Variants in KCNT2 observed in about 807,000 individuals in gnomAD.
The protein encoded by KCNT2 is potassium sodium-activated channel subfamily T member 2.
Under a neutral mutation model 153.8 loss-of-function variants are expected in KCNT2, and 67 were observed. That is an observed-to-expected ratio of 0.44 (90% CI 0.36 to 0.53). The LOEUF (loss-of-function observed/expected upper bound fraction) is 0.53. Among genes scored for constraint, KCNT2 ranks in the 20% least tolerant of loss-of-function variants. The pLI, the probability that KCNT2 is intolerant of heterozygous loss-of-function variation, is 0.00. For missense variants in KCNT2, 975 were observed against 1,354.8 expected, an observed-to-expected ratio of 0.72 and a Z score of 4.40; for synonymous variants, 500 against 458.8, an observed-to-expected ratio of 1.09 and a Z score of -1.15.
At position 196,377,607 on chromosome 1, in the gene KCNT2, A is replaced by G. The variant is rs73067636; in HGVS notation, c.1295-4359T>C. 6.7e-3 allele frequency among the ~76,000 whole-genome samples: 1,023 copies of G among 152,152 alleles called. 11 individuals are homozygous for G. The highest frequency in any genetic ancestry group is 0.023 in the African/African-American group (976 of 41,538). Reference sequence around the variant, plus strand: ...TCACAGCACCTTGCTGATTTTAGTCAGCAATACATAGAGAGCTGATCTGAG... The same window carrying G: ...TCACAGCACCTTGCTGATTTTAGTCGGCAATACATAGAGAGCTGATCTGAG... On this transcript the variant is annotated intron_variant, in intron 13 of 27. Transcript: ENST00000294725.
chr1:196,540,062 C>T (rs1169651030), intron 1 of KCNT2, among the ~76,000 whole-genome samples: 1 of 152,012 alleles, frequency 6.6e-6, no homozygotes, highest in Non-Finnish European at 1.5e-5. Flanking sequence ...TAGTTGAATT[C>T]CATTTTTAAG....
intron 22 of KCNT2, among the ~76,000 whole-genome samples, chr1:196,294,755 A>T (rs1432914263): frequency 6.6e-6 from 1 of 152,038 alleles, no homozygotes; most frequent in Non-Finnish European, 1.5e-5. Flanking sequence ...GAAGCAACCT[A>T]GGTGTCCATC....
At chr1:196,322,615 T>G (rs1663436061) in intron 19 of KCNT2, among the ~76,000 whole-genome samples, 1 of 151,860 alleles carries the variant, frequency 6.6e-6, no homozygotes. Context: ...GCCATCCAAA[T>G]ATTAGTCAGT....
At chr1:196,341,283 G>A (rs1018307612) in intron 15 of KCNT2, among the ~76,000 whole-genome samples, 1 of 151,842 alleles carries the variant, frequency 6.6e-6, no homozygotes, top group Non-Finnish European at 1.5e-5. Context: ...TACCAAGCCT[G>A]TTTTATAATA....
chr1:196,267,996 T>C (rs1451852415), intron 25 of KCNT2, among the ~76,000 whole-genome samples: 1 of 152,146 alleles, frequency 6.6e-6, no homozygotes, highest in Admixed American at 6.6e-5. Context: ...GGTATTGTGT[T>C]AAATGTGATG....
chr1:196,299,240 GCCTGTTACA>G (rs1219103356), intron 22 of KCNT2, among the ~76,000 whole-genome samples: 3 of 151,242 alleles, frequency 2.0e-5, no homozygotes, highest in African/African-American at 7.3e-5. Context: ...TTCTACTGTT[GCCTGTTACA>G]CCTGTTACAC....
intron 1 of KCNT2, among the ~76,000 whole-genome samples, chr1:196,513,346 T>C (rs1360090697): frequency 6.6e-6 from 1 of 152,198 alleles, no homozygotes; most frequent in Non-Finnish European, 1.5e-5. Context: ...CATGCAGAGG[T>C]TGGCAATCTG....
chr1:196,283,259 G>C (rs993360859), intron 23 of KCNT2, among the ~76,000 whole-genome samples: 2 of 152,102 alleles, frequency 1.3e-5, no homozygotes, highest in African/African-American at 4.8e-5. Flanking sequence ...GGCTAACACG[G>C]TGAAACCTTG....
chr1:196,576,072 TTATATA>T lies in KCNT2; in HGVS notation c.95+32137_95+32142del, dbSNP rs66537346. On this transcript the variant is annotated intron_variant, in intron 1 of 27. Transcript: ENST00000294725. ...AAAATACTAGGCAGTGTGTTAGGTTTTATATATATATATATATATGTGTGTGTGTGT... is the reference window on the plus strand; with the variant it reads ...AAAATACTAGGCAGTGTGTTAGGTTTTATATATATATATGTGTGTGTGTGT... Among the ~76,000 whole-genome samples, 826 of 145,212 alleles carry T rather than the reference TTATATA, an allele frequency of 5.7e-3. 5 individuals are homozygous for T. The highest frequency in any genetic ancestry group is 0.01 in the East Asian group (50 of 4,934).
At chr1:196,414,177 T>C (rs900808419) in intron 12 of KCNT2, among the ~76,000 whole-genome samples, 3 of 151,702 alleles carry the variant, frequency 2.0e-5, no homozygotes, top group African/African-American at 7.2e-5. Context: ...AATTCAATTA[T>C]ACAGATTTTA....
At chr1:196,480,163 T>C (rs1221603148) in intron 4 of KCNT2, among the ~76,000 whole-genome samples, 2 of 152,112 alleles carry the variant, frequency 1.3e-5, no homozygotes, top group African/African-American at 4.8e-5. Flanking sequence ...CTCTACAACC[T>C]TAGGATAGAT....
intron 1 of KCNT2, among the ~76,000 whole-genome samples, chr1:196,540,116 T>A (rs1656136612): frequency 1.3e-5 from 2 of 152,178 alleles, no homozygotes; most frequent in South Asian, 2.1e-4. Flanking sequence ...AATATAGTTC[T>A]ATGCTGTTGT....
intron 1 of KCNT2, among the ~76,000 whole-genome samples, chr1:196,602,880 A>G (rs932016250): frequency 4.5e-5 from 6 of 133,304 alleles, no homozygotes; most frequent in Non-Finnish European, 7.6e-5. Context: ...TCCGCCTCCC[A>G]GGTTCACGCC....
intron 11 of KCNT2, among the ~76,000 whole-genome samples, chr1:196,423,982 A>C (rs1405813575): frequency 6.6e-6 from 1 of 151,936 alleles, no homozygotes; most frequent in Non-Finnish European, 1.5e-5. Flanking sequence ...ATTAGTTTAT[A>C]TTAAATCCCA....
At chr1:196,597,234 C>T (rs1006792727) in intron 1 of KCNT2, among the ~76,000 whole-genome samples, 7 of 151,052 alleles carry the variant, frequency 4.6e-5, no homozygotes, top group Admixed American at 2.6e-4. Flanking sequence ...TCAATCTCTT[C>T]GCATCCTTTA....
At chr1:196,305,203 A>G (rs1483144584) in intron 22 of KCNT2, 31 bp downstream of exon 22, 1 of 1,229,108 alleles carries the variant, frequency 8.1e-7, no homozygotes, top group South Asian at 1.2e-5. Context: ...AGATGGTTAA[A>G]TCTAATTTAC....
In KCNT2 at chr1:196,543,914, T is replaced by C. The variant is rs373787797; in HGVS notation, c.96-51573A>G. ...GGCATTTATGCCACAGAAATATAAT[T>C]GTGTATTTACACAAAAAACCTGCAC... On this transcript the variant is annotated intron_variant, in intron 1 of 27. Coordinates refer to ENST00000294725, the MANE Select transcript of KCNT2 (RefSeq NM_198503.5). 2.7e-5 allele frequency among the ~76,000 whole-genome samples: 4 copies of C among 150,762 alleles called. No homozygotes were observed. The East Asian group carries it at 7.9e-4, about 30-fold the overall frequency.
At chr1:196,504,641 A>T (rs945331369) in intron 1 of KCNT2, among the ~76,000 whole-genome samples, 3 of 152,132 alleles carry the variant, frequency 2.0e-5, no homozygotes, top group African/African-American at 7.2e-5. Flanking sequence ...CTAGTTCTAG[A>T]TCCCTGAGGA....
intron 14 of KCNT2, among the ~76,000 whole-genome samples, chr1:196,358,308 A>G (rs983396549): frequency 6.8e-6 from 1 of 147,872 alleles, no homozygotes; most frequent in African/African-American, 2.5e-5. Flanking sequence ...CTCCACCACA[A>G]CTCCTGTTCT....
Sources: gnomAD v4.1 joint callset for allele counts (sites outside exome capture counted in the v4.1 genomes callset) on GRCh38, gnomAD v4.1.1 for gene constraint, MANE v1.5 for transcripts, NCBI Gene and HGNC (gene_info 2026-07-23, HGNC 2026-07-21) for gene names.